Variants in SPHKAP observed in about 807,000 individuals in gnomAD.
The protein encoded by SPHKAP is SPHK1 interactor, AKAP domain containing, also known as A-kinase anchor protein SPHKAP.
A neutral mutation model predicts 137.5 loss-of-function variants in SPHKAP; 67 were observed. The ratio of observed to expected loss-of-function variants is 0.49; its 90% confidence interval spans 0.40 to 0.60. The LOEUF is 0.60. Ranked by LOEUF, SPHKAP falls within the 20% of genes least tolerant of loss-of-function variation. The pLI is 0.00. For synonymous variants in SPHKAP, 813 were observed against 785.3 expected, an observed-to-expected ratio of 1.04 and a Z score of -0.59; for missense variants, 2,097 against 2,069.3, an observed-to-expected ratio of 1.01 and a Z score of -0.26.
chr2:228,086,221 G>T (rs994640725), intron 3 of SPHKAP, among the ~76,000 whole-genome samples: 4 of 152,052 alleles, frequency 2.6e-5, no homozygotes, highest in South Asian at 2.1e-4. Context: ...TTCACTAAGG[G>T]CATATAGAAA....
chr2:228,000,346 C>A (rs141504352), intron 7 of SPHKAP, among the ~76,000 whole-genome samples: 1 of 152,028 alleles, frequency 6.6e-6, no homozygotes, highest in Non-Finnish European at 1.5e-5. Context: ...CGGCCGGGCA[C>A]GGTGGCTCAC....
At position 228,018,595 on chromosome 2, in the gene SPHKAP, T is replaced by A. The variant is rs941454680; in HGVS notation, c.2259A>T (p.Pro753=). The A allele has an allele frequency of 9.3e-6, 15 of 1,613,942 alleles. No homozygotes were observed. The highest frequency in any genetic ancestry group is 3.3e-4 in the Middle Eastern group (2 of 6,084). ...AAGCTTGACTAGCACCCGGATCAGATGGCTGGCAGCTTGGTTCTGTCTCCC... is the reference window on the plus strand; with the variant it reads ...AAGCTTGACTAGCACCCGGATCAGAAGGCTGGCAGCTTGGTTCTGTCTCCC... ...RRRETEPSCQ[P]SDPGASQAWT... is the part of the protein sequence containing the mutation. The change falls in exon 7 of 12, where the codon CCA becomes CCT. Residue 753 remains proline, a synonymous_variant. Transcript: ENST00000392056.
intron 2 of SPHKAP, among the ~76,000 whole-genome samples, chr2:228,129,682 A>G (rs1029447999): frequency 2.6e-5 from 4 of 151,978 alleles, no homozygotes; most frequent in African/African-American, 4.8e-5. Context: ...TTATTTGTAA[A>G]TGTATATATT....
Position 228,018,445 on chromosome 2 carries a change from GCCTGGCCTCACTCCA to G in SPHKAP, c.2394_2408del (p.Gly799_Gly803del). On this transcript the variant is annotated inframe_deletion, in exon 7 of 12. Transcript: ENST00000392056. ...ACTGCAGCGTGGGGTTCTTGAAGAG[GCCTGGCCTCACTCCA>G]CCCTTGTCTTGTTTTGAATACATGC... 1.9e-6 allele frequency: 3 copies of G among 1,614,056 alleles called. No homozygotes were observed. The highest frequency in any genetic ancestry group is 2.5e-6 in the Non-Finnish European group (3 of 1,179,954).
At chr2:228,044,950 C>T (rs1695980092) in intron 3 of SPHKAP, among the ~76,000 whole-genome samples, 1 of 152,090 alleles carries the variant, frequency 6.6e-6, no homozygotes, top group South Asian at 2.1e-4. Flanking sequence ...TATGAACAGA[C>T]ACTTCTCAAA....
chr2:228,124,735 GAA>G (rs1437091892), intron 2 of SPHKAP, among the ~76,000 whole-genome samples: 3 of 66,400 alleles, frequency 4.5e-5, no homozygotes, highest in Non-Finnish European at 6.9e-5. Flanking sequence ...AGTATAAAAA[GAA>G]AAAAGTCTCT....
Position 228,047,544 on chromosome 2 carries a change from T to C in SPHKAP, c.247-20001A>G, listed in dbSNP as rs542832082. Among the ~76,000 whole-genome samples the C allele has an allele frequency of 1.9e-4, 29 of 152,092 alleles. No individual in the cohort carries two copies. In the South Asian group the frequency reaches 5.8e-3, roughly 31 times the overall value. On this transcript the variant is annotated intron_variant, in intron 3 of 11. Coordinates refer to ENST00000392056, the MANE Select transcript of SPHKAP (RefSeq NM_001142644.2). ...GTAAAGAAACTGAATTACAGATAAGTTAAGCAAAACATGCCAAGCCCCACA... is the reference window on the plus strand; with the variant it reads ...GTAAAGAAACTGAATTACAGATAAGCTAAGCAAAACATGCCAAGCCCCACA...
At chr2:228,031,887 T>A (rs2106240064) in intron 3 of SPHKAP, among the ~76,000 whole-genome samples, 1 of 152,186 alleles carries the variant, frequency 6.6e-6, no homozygotes, top group South Asian at 2.1e-4. Context: ...CTTCTGTACA[T>A]CACCATTATC....
At chr2:228,151,993 T>C (rs751736819) in intron 1 of SPHKAP, among the ~76,000 whole-genome samples, 3 of 152,210 alleles carry the variant, frequency 2.0e-5, no homozygotes, top group Non-Finnish European at 4.4e-5. Context: ...TAGCTCTGCA[T>C]GCTAGTGAAA....
At chr2:228,115,154 T>C (rs1698666263) in intron 2 of SPHKAP, among the ~76,000 whole-genome samples, 1 of 152,150 alleles carries the variant, frequency 6.6e-6, no homozygotes, top group Non-Finnish European at 1.5e-5. Context: ...GTGTTTCTAC[T>C]CCCATCAATC....
Position 228,017,231 on chromosome 2 carries a change from T to A in SPHKAP, c.3623A>T (p.Glu1208Val), listed in dbSNP as rs760677770. 6.2e-7 allele frequency: 1 copy of A among 1,614,032 alleles called. No individual in the cohort carries two copies. The highest frequency in any genetic ancestry group is 8.5e-7 in the Non-Finnish European group (1 of 1,180,010). Reference sequence around the variant, plus strand: ...GCTGCTCCGTCTGGAGGAGGCACTTTCTCTGCTGTCTCTTTCGATGTCCCT... The same window carrying A: ...GCTGCTCCGTCTGGAGGAGGCACTTACTCTGCTGTCTCTTTCGATGTCCCT... The part of the protein sequence containing the change: ...MLRDIERDSR[E>V]SASSRRSSQD... The change falls in exon 7 of 12, where the codon GAA becomes GTA. Residue 1208 changes from glutamate (E) to valine (V), a missense_variant. Coordinates refer to ENST00000392056, the MANE Select transcript of SPHKAP (RefSeq NM_001142644.2).
Position 228,021,565 on chromosome 2 carries a change from C to T in SPHKAP, c.697+146G>A. On this transcript the variant is annotated intron_variant, in intron 6 of 11. Coordinates refer to ENST00000392056, the MANE Select transcript of SPHKAP (RefSeq NM_001142644.2). ...AGTATCTTCACCAGTGTTCTCATATCCTCCTTCCTTCCTTCCTTAAAATTC... is the reference window on the plus strand; with the variant it reads ...AGTATCTTCACCAGTGTTCTCATATTCTCCTTCCTTCCTTCCTTAAAATTC... 1.4e-5 allele frequency: 14 copies of T among 982,248 alleles called. No individual in the cohort carries two copies. The South Asian group carries it at 2.1e-4, about 15-fold the overall frequency. 60.8% of individuals were successfully genotyped at this position (982,248 alleles called of 1,614,324 possible).
intron 1 of SPHKAP, among the ~76,000 whole-genome samples, chr2:228,166,283 T>A (rs949193520): frequency 6.6e-6 from 1 of 152,228 alleles, no homozygotes; most frequent in African/African-American, 2.4e-5. Context: ...TCATATTTAC[T>A]TAAAAACTAT....
chr2:228,108,354 A>C (rs1698407684), intron 3 of SPHKAP, among the ~76,000 whole-genome samples: 1 of 152,186 alleles, frequency 6.6e-6, no homozygotes, highest in Non-Finnish European at 1.5e-5. Flanking sequence ...GCTCAGCGTC[A>C]ATATATTAAA....
chr2:228,153,725 A>AT (rs994417874), intron 1 of SPHKAP, among the ~76,000 whole-genome samples: 167 of 151,748 alleles, frequency 1.1e-3, no homozygotes, highest in African/African-American at 3.3e-3. Context: ...AAAATGTTAA[A>AT]TTTTTTTTTG....
At position 228,122,111 on chromosome 2, in the gene SPHKAP, T is replaced by C. The variant is rs12468758; in HGVS notation, c.138+9869A>G. 5.1e-3 allele frequency among the ~76,000 whole-genome samples: 772 copies of C among 152,200 alleles called. 2 individuals carry two copies. Among genetic ancestry groups the C allele is most frequent in the Non-Finnish European group, 8.8e-3 (600 of 67,988 alleles). On this transcript the variant is annotated intron_variant, in intron 2 of 11. Transcript: ENST00000392056. ...TTAATGCCAGATTAGATATATTCAA[T>C]GTAAACTTGTTGTGTTTCTGGACAG...
intron 1 of SPHKAP, among the ~76,000 whole-genome samples, chr2:228,151,122 C>G (rs567226140): frequency 4.7e-5 from 7 of 147,802 alleles, no homozygotes; most frequent in African/African-American, 9.9e-5. Context: ...TGTGATGTTC[C>G]CCTTCCTGTG....
At chr2:228,145,144 C>G (rs1699738722) in intron 1 of SPHKAP, among the ~76,000 whole-genome samples, 2 of 152,160 alleles carry the variant, frequency 1.3e-5, no homozygotes, top group Admixed American at 6.6e-5. Flanking sequence ...AAGAGCCAAA[C>G]CTCTTGGAGC....
intron 3 of SPHKAP, among the ~76,000 whole-genome samples, chr2:228,045,894 T>C (rs956418675): frequency 6.6e-6 from 1 of 151,996 alleles, no homozygotes; most frequent in Non-Finnish European, 1.5e-5. Flanking sequence ...AGTAGAATGG[T>C]GATTGCATGG....
Sources: allele counts gnomAD v4.1 joint callset (sites outside exome capture counted in the v4.1 genomes callset), GRCh38; gene constraint gnomAD v4.1.1; transcripts MANE v1.5; gene names NCBI Gene and HGNC (gene_info 2026-07-23, HGNC 2026-07-21).